SMURF2: variants seen among roughly 807,000 people sequenced by gnomAD.
SMURF2 encodes E3 ubiquitin-protein ligase SMURF2.
SMURF2 carries 48 observed loss-of-function variants against 109.6 expected under a neutral mutation model. The observed-to-expected ratio is 0.44, with a 90% CI of 0.35 to 0.56. The LOEUF (loss-of-function observed/expected upper bound fraction) is 0.56. Ranked by LOEUF, SMURF2 falls within the 20% of genes least tolerant of loss-of-function variation. The pLI is 0.01. For missense variants in SMURF2, 575 were observed against 909.0 expected, an observed-to-expected ratio of 0.63 and a Z score of 4.72; for synonymous variants, 288 against 317.1, an observed-to-expected ratio of 0.91 and a Z score of 0.97.
chr17:64,638,062 C>CT (rs1195172818), intron 1 of SMURF2, among the ~76,000 whole-genome samples: 9,882 of 102,462 alleles, frequency 0.096, 940 homozygotes, highest in African/African-American at 0.22. Context: ...TTTCCTTTTT[C>CT]TTTTTTTTTT....
At chr17:64,611,861 C>T (rs1555689628) in intron 1 of SMURF2, among the ~76,000 whole-genome samples, 1 of 152,174 alleles carries the variant, frequency 6.6e-6, no homozygotes, top group Admixed American at 6.5e-5. Context: ...GGCTCCTGCT[C>T]ACCTCTCTGA....
chr17:64,615,060 G>GT (rs1555689989), intron 1 of SMURF2, among the ~76,000 whole-genome samples: 1 of 152,160 alleles, frequency 6.6e-6, no homozygotes. Flanking sequence ...AACAAACCAG[G>GT]TAATAGTATC....
chr17:64,624,182 C>G (rs8064907), intron 1 of SMURF2, among the ~76,000 whole-genome samples: 20,922 of 152,030 alleles, frequency 0.14, 2,194 homozygotes, highest in African/African-American at 0.28. Flanking sequence ...AACCTTAATA[C>G]GATATCAAAA....
In SMURF2 at chr17:64,577,846, C is replaced by T. The variant is rs74251270; in HGVS notation, c.857+646G>A. Reference sequence around the variant, plus strand: ...TGGGGCTCAAGTGATCCTCATGCCTCAGCCTCCCAAAGTGTTGGGAATACA... The same window carrying T: ...TGGGGCTCAAGTGATCCTCATGCCTTAGCCTCCCAAAGTGTTGGGAATACA... On this transcript the variant is annotated intron_variant, in intron 9 of 18. Coordinates refer to ENST00000262435, the MANE Select transcript of SMURF2 (RefSeq NM_022739.4). Among the ~76,000 whole-genome samples, 732 of 152,148 alleles carry T rather than the reference C, an allele frequency of 4.8e-3. 29 individuals carry two copies. In the East Asian group the frequency reaches 0.059, roughly 12 times the overall value.
At chr17:64,599,340 T>C (rs1555688367) in intron 2 of SMURF2, among the ~76,000 whole-genome samples, 1 of 152,210 alleles carries the variant, frequency 6.6e-6, no homozygotes. Context: ...TTAACCACTA[T>C]GCTGTATTTT....
chr17:64,606,702 C>T, intron 1 of SMURF2, 62 bp from the exon 2 acceptor site: 3 of 1,208,058 alleles, frequency 2.5e-6, no homozygotes, highest in Non-Finnish European at 3.5e-6. Context: ...TGTACTGTTA[C>T]ATTTTAAAAC....
At chr17:64,570,726 C>T (rs1252908304) in intron 10 of SMURF2, among the ~76,000 whole-genome samples, 1 of 152,156 alleles carries the variant, frequency 6.6e-6, no homozygotes, top group Non-Finnish European at 1.5e-5. Context: ...GTAAAAATGG[C>T]AGTAGCTAAC....
In SMURF2 at chr17:64,557,610, G is replaced by A; in HGVS notation, c.1429C>T (p.Pro477Ser). 1 of 1,565,842 alleles carries A rather than the reference G, an allele frequency of 6.4e-7. No individual in the cohort carries two copies. The highest frequency in any genetic ancestry group is 8.8e-7 in the Non-Finnish European group (1 of 1,138,736). Residue 477 changes from proline to serine, a missense_variant and splice_region_variant, in exon 13 of 19, where the codon CCG becomes TCG. Pro to Ser is a moderately conservative substitution (Grantham distance 74). Coordinates refer to ENST00000262435, the MANE Select transcript of SMURF2 (RefSeq NM_022739.4). Reference sequence around the variant, plus strand: ...CACATCATAACTTCAAATCATACCGGATTAACTGCAGAATCAGGATTGATC... The same window carrying A: ...CACATCATAACTTCAAATCATACCGAATTAACTGCAGAATCAGGATTGATC... ...LQINPDSAVNPEHLSYFHFVG... is the reference protein window; with the variant it reads ...LQINPDSAVNSEHLSYFHFVG...
chr17:64,568,947 A>C (rs964484760), intron 10 of SMURF2, among the ~76,000 whole-genome samples: 4 of 151,922 alleles, frequency 2.6e-5, no homozygotes, highest in African/African-American at 9.7e-5. Flanking sequence ...GGTTGCAGTG[A>C]GCTGAGATAG....
Position 64,581,941 on chromosome 17 carries a change from A to G in SMURF2, c.570-950T>C, listed in dbSNP as rs1176408285. ...GTACCACTGCACTCTAGCCTAGGCAATAGAGCGGGACTCCATCTCCAAAAA... is the reference window on the plus strand; with the variant it reads ...GTACCACTGCACTCTAGCCTAGGCAGTAGAGCGGGACTCCATCTCCAAAAA... On this transcript the variant is annotated intron_variant, in intron 7 of 18. Coordinates refer to ENST00000262435, the MANE Select transcript of SMURF2 (RefSeq NM_022739.4). The surrounding 1 kb of genome is among the most constrained non-coding windows in gnomAD (Gnocchi z 4.3). Among the ~76,000 whole-genome samples, 1 of 151,584 alleles carries G rather than the reference A, an allele frequency of 6.6e-6. No homozygotes were observed. The highest frequency in any genetic ancestry group is 1.5e-5 in the Non-Finnish European group (1 of 67,916).
intron 1 of SMURF2, among the ~76,000 whole-genome samples, chr17:64,609,037 T>C (rs1970008723): frequency 6.6e-6 from 1 of 151,740 alleles, no homozygotes. Context: ...ATAAAGACAA[T>C]AAAATACCTA....
intron 1 of SMURF2, among the ~76,000 whole-genome samples, chr17:64,640,703 G>A (rs962997491): frequency 8.6e-5 from 13 of 151,998 alleles, no homozygotes; most frequent in African/African-American, 3.1e-4. Flanking sequence ...GGCAGATCAC[G>A]AGGTCAGGAG....
At chr17:64,567,852 G>GC (rs1969336094) in intron 10 of SMURF2, among the ~76,000 whole-genome samples, 1 of 130,710 alleles carries the variant, frequency 7.7e-6, no homozygotes, top group African/African-American at 3.2e-5. Context: ...ACCACACCTG[G>GC]CTTTTTTTTT....
rs782425202 is a variant in SMURF2 at position 64,636,602 on chromosome 17, CAAAAAAAAAAAAAAA to C, written c.52+25212_52+25226del. On this transcript the variant is annotated intron_variant, in intron 1 of 18. Coordinates refer to ENST00000262435, the MANE Select transcript of SMURF2 (RefSeq NM_022739.4). ...TGGACATCAGGGCCAGACTCTGCCT[CAAAAAAAAAAAAAAA>C]AAAAAAAAAAAATTAGCTGGGCATG... Among the ~76,000 whole-genome samples the C allele has an allele frequency of 1.9e-3, 73 of 38,754 alleles. No individual in the cohort carries two copies. In the East Asian group the frequency reaches 0.036, roughly 19 times the overall value. The allele number at this position is 38,754 out of a possible 152,430, so 25.4% of individuals were successfully genotyped here. A position where few individuals can be genotyped will look rare whatever the true frequency, so the allele number is the denominator to read the frequency against.
chr17:64,662,183 C>A lies in SMURF2; in HGVS notation c.-303G>T. 5 of 1,036,776 alleles carry A rather than the reference C, an allele frequency of 4.8e-6. No individual in the cohort carries two copies. Among genetic ancestry groups the A allele is most frequent in the Non-Finnish European group, 5.8e-6 (5 of 864,208 alleles). 64.2% of individuals were successfully genotyped at this position (1,036,776 alleles called of 1,614,324 possible). ...CCTCCTCGCGGCCGCCGAGGCCTTT[C>A]CCTCCTCTCGTCTCGGCGAGGCCCA... On this transcript the variant is annotated 5_prime_UTR_variant, in exon 1 of 19. Transcript: ENST00000262435.
At chr17:64,613,758 G>C (rs1360234117) in intron 1 of SMURF2, among the ~76,000 whole-genome samples, 1 of 146,622 alleles carries the variant, frequency 6.8e-6, no homozygotes, top group Non-Finnish European at 1.5e-5. Flanking sequence ...GGGGGGCAGA[G>C]GGGAGCAGGC....
At chr17:64,613,741 TGTGGAGGGG>T (rs1970081990) in intron 1 of SMURF2, among the ~76,000 whole-genome samples, 1 of 109,100 alleles carries the variant, frequency 9.2e-6, no homozygotes, top group African/African-American at 3.5e-5. Context: ...TGTGTGTGTG[TGTGGAGGGG>T]GGGCAGAGGG....
intron 1 of SMURF2, among the ~76,000 whole-genome samples, chr17:64,611,477 G>A (rs1465611159): frequency 6.6e-6 from 1 of 152,008 alleles, no homozygotes; most frequent in Non-Finnish European, 1.5e-5. Context: ...CCCTCCAGTT[G>A]ACTTTCTTTT....
At chr17:64,634,994 T>A (rs1970396736) in intron 1 of SMURF2, among the ~76,000 whole-genome samples, 1 of 152,106 alleles carries the variant, frequency 6.6e-6, no homozygotes, top group South Asian at 2.1e-4. Context: ...AATAATAATA[T>A]TTGTTATGAC....
Sources: gnomAD v4.1 joint callset for allele counts (sites outside exome capture counted in the v4.1 genomes callset) on GRCh38, gnomAD v4.1.1 for gene constraint, Gnocchi (gnomAD v3.1) non-coding constraint, MANE v1.5 for transcripts, NCBI Gene and HGNC (gene_info 2026-07-23, HGNC 2026-07-21) for gene names.